Variants in TOM1 observed in about 807,000 individuals in gnomAD.
The protein encoded by TOM1 is target of Myb protein 1.
Under a neutral mutation model 61.3 loss-of-function variants are expected in TOM1, and 38 were observed. The ratio of observed to expected loss-of-function variants is 0.62; its 90% confidence interval spans 0.48 to 0.81. TOM1 has a LOEUF of 0.81. TOM1 is among the 40% of genes least tolerant of loss of function. TOM1 has a pLI of 0.00. For synonymous variants in TOM1, 270 were observed against 268.8 expected (o/e 1.00, Z -0.04); for missense variants, 591 against 659.6 (o/e 0.90, Z 1.14).
chr22:35,346,909 C>T, intron 13 of TOM1, 21 bp from the exon 14 acceptor site: 1 of 1,612,010 alleles, frequency 6.2e-7, no homozygotes, highest in Non-Finnish European at 8.5e-7. Flanking sequence ...ACCTCTGCCT[C>T]CTTTCCTTCT....
intron 1 of TOM1, among the ~76,000 whole-genome samples, chr22:35,300,385 C>T (rs905867491): frequency 6.6e-6 from 1 of 152,282 alleles, no homozygotes; most frequent in South Asian, 2.1e-4. Context: ...CCGGGCCCTC[C>T]GGACACAGAC....
chr22:35,304,628 G>A (rs985757592), intron 1 of TOM1, among the ~76,000 whole-genome samples: 11 of 152,112 alleles, frequency 7.2e-5, no homozygotes, highest in African/African-American at 1.2e-4. Context: ...ACAGGCACCC[G>A]CCACCACACC....
chr22:35,330,559 C>T, intron 8 of TOM1, 79 bp downstream of exon 8: 3 of 1,404,002 alleles, frequency 2.1e-6, no homozygotes, highest in Non-Finnish European at 2.9e-6. Context: ...CTCCTGGTCT[C>T]ATGCCATCTG....
At chr22:35,339,622 T>C (rs1179229393) in intron 12 of TOM1, among the ~76,000 whole-genome samples, 4 of 152,116 alleles carry the variant, frequency 2.6e-5, no homozygotes, top group African/African-American at 9.7e-5. Context: ...GAGCGGACCC[T>C]GGCCAGGCGC....
At chr22:35,333,520 C>T (rs753678934) in intron 10 of TOM1, 23 bp downstream of exon 10, 6 of 1,609,312 alleles carry the variant, frequency 3.7e-6, no homozygotes, top group Non-Finnish European at 5.1e-6. Flanking sequence ...TGGAGGGCTC[C>T]AGCTGAGGGT....
At position 35,322,196 on chromosome 22, in the gene TOM1, G is replaced by A. The variant is rs904807851; in HGVS notation, c.216+159G>A. The stretch of plus-strand genomic sequence containing the variant: ...TGTCCTGTCTACACTGCAGGCGGAT[G>A]CAGAATGGCAAGAGGCCATTTGGAA... On this transcript the variant is annotated intron_variant, in intron 3 of 14. Coordinates refer to ENST00000449058, the MANE Select transcript of TOM1 (RefSeq NM_005488.3). The A allele has an allele frequency of 2.7e-5, 17 of 631,458 alleles. 1 individual carries two copies. Among genetic ancestry groups the A allele is most frequent in the Non-Finnish European group, 4.1e-5 (15 of 362,448 alleles). 39.1% of individuals were successfully genotyped at this position (631,458 alleles called of 1,614,324 possible).
intron 1 of TOM1, among the ~76,000 whole-genome samples, chr22:35,304,279 G>A (rs1367275863): frequency 6.6e-6 from 1 of 152,080 alleles, no homozygotes; most frequent in African/African-American, 2.4e-5. Context: ...CCTCAGATAA[G>A]GACATGTACA....
At chr22:35,339,239 G>A (rs1601711794) in intron 12 of TOM1, among the ~76,000 whole-genome samples, 2 of 152,294 alleles carry the variant, frequency 1.3e-5, no homozygotes, top group Admixed American at 1.3e-4. Context: ...GCTAAAGCAG[G>A]AGAATCGCTT....
intron 12 of TOM1, among the ~76,000 whole-genome samples, chr22:35,342,002 G>A (rs1055109928): frequency 3.3e-5 from 5 of 152,208 alleles, no homozygotes; most frequent in South Asian, 4.1e-4. Flanking sequence ...AAAACCAGGC[G>A]CGGTGGCAGG....
At chr22:35,341,341 G>A (rs1366106112) in intron 12 of TOM1, among the ~76,000 whole-genome samples, 1 of 152,218 alleles carries the variant, frequency 6.6e-6, no homozygotes, top group African/African-American at 2.4e-5. Flanking sequence ...ATTTACAGAT[G>A]AGAAAACTGA....
At chr22:35,313,937 G>C (rs1463416590) in intron 1 of TOM1, among the ~76,000 whole-genome samples, 3 of 152,208 alleles carry the variant, frequency 2.0e-5, no homozygotes, top group African/African-American at 4.8e-5. Context: ...TCCGAGGTCG[G>C]GGAATCAGTT....
chr22:35,323,120 C>T lies in TOM1; in HGVS notation c.309C>T (p.Ile103=). Residue 103 remains isoleucine, a synonymous_variant, in exon 4 of 15, where the codon ATC becomes ATT. Transcript: ENST00000449058. This position sits in a 1 kb window ranked among gnomAD's most constrained non-coding sequence, Gnocchi z 4.2. ...DFVESVLVRT[I]LPKNNPPTIV... The stretch of plus-strand genomic sequence containing the variant: ...TGGAGAGTGTGCTGGTGAGGACCAT[C>T]CTGCCCAAGAACAACCCACCCACCA... 3 of 1,614,188 alleles carry T rather than the reference C, an allele frequency of 1.9e-6. No individual in the cohort carries two copies. Among genetic ancestry groups the T allele is most frequent in the Non-Finnish European group, 2.5e-6 (3 of 1,180,042 alleles).
upstream of TOM1, chr22:35,299,830 C>T (rs1966030241): frequency 1.4e-6 from 2 of 1,401,894 alleles, no homozygotes; most frequent in African/African-American, 1.4e-5. Context: ...CCCGCCCACG[C>T]CTCCTCGCCG....
At position 35,323,609 on chromosome 22, in the gene TOM1, A is replaced by G. The variant is rs771738827; in HGVS notation, c.480A>G (p.Ser160=). ...EFPMTDLDML[S]PIHTPQRTVF... is the part of the protein sequence containing the mutation. ...CCATGACTGACCTGGACATGCTGTC[A>G]CCCATCCACACACCCCAGAGGGTGA... Residue 160 remains serine (S), a synonymous_variant, in exon 5 of 15, where the codon TCA becomes TCG. Coordinates refer to ENST00000449058, the MANE Select transcript of TOM1 (RefSeq NM_005488.3). The surrounding 1 kb of genome is among the most constrained non-coding windows in gnomAD (Gnocchi z 4.2). 1 of 1,613,950 alleles carries G rather than the reference A, an allele frequency of 6.2e-7. No homozygotes were observed. The highest frequency in any genetic ancestry group is 8.5e-7 in the Non-Finnish European group (1 of 1,179,992).
intron 1 of TOM1, among the ~76,000 whole-genome samples, chr22:35,300,532 C>T (rs1418370247): frequency 6.6e-6 from 1 of 152,246 alleles, no homozygotes; most frequent in African/African-American, 2.4e-5. Context: ...CAGGACGTGT[C>T]CGCCTGGGCT....
chr22:35,329,481 T>C (rs762708424), intron 7 of TOM1, among the ~76,000 whole-genome samples: 33 of 152,226 alleles, frequency 2.2e-4, no homozygotes, highest in Admixed American at 5.2e-4. Context: ...GAAGCCAGGG[T>C]CAAGGGTATA....
At chr22:35,301,120 G>A (rs1039268295) in intron 1 of TOM1, among the ~76,000 whole-genome samples, 3 of 151,908 alleles carry the variant, frequency 2.0e-5, no homozygotes, top group Admixed American at 2.0e-4. Context: ...CCAGCCACTC[G>A]GTAGGCAGAG....
Position 35,338,716 on chromosome 22 carries a change from A to G in TOM1, c.1152A>G (p.Val384=), listed in dbSNP as rs752159736. The change falls in exon 12 of 15, where the codon GTA becomes GTG. Residue 384 remains valine, a synonymous_variant. Transcript: ENST00000449058. ...GSSLADQRKE[V]KYEAPQATDG... is the part of the protein sequence containing the mutation. ...GGCTTGGTGGTCTCTCTTTCAGGGT[A>G]AAATACGAAGCCCCCCAAGCAACAG... is the stretch of plus-strand genomic sequence containing the variant. 3.8e-6 allele frequency: 6 copies of G among 1,581,610 alleles called. No individual in the cohort carries two copies. The highest frequency in any genetic ancestry group is 4.3e-6 in the Non-Finnish European group (5 of 1,164,568).
At chr22:35,327,598 C>T (rs1928452453) in intron 7 of TOM1, among the ~76,000 whole-genome samples, 1 of 152,236 alleles carries the variant, frequency 6.6e-6, no homozygotes, top group African/African-American at 2.4e-5. Flanking sequence ...AGTAGCCCCC[C>T]TGGCCTCAGT....
Sources: gnomAD v4.1 joint callset for allele counts (sites outside exome capture counted in the v4.1 genomes callset) on GRCh38, gnomAD v4.1.1 for gene constraint, Gnocchi (gnomAD v3.1) non-coding constraint, MANE v1.5 for transcripts, NCBI Gene and HGNC (gene_info 2026-07-23, HGNC 2026-07-21) for gene names.